PRKCA: variants seen among roughly 807,000 people sequenced by gnomAD.
PRKCA encodes the protein protein kinase C alpha, also known as protein kinase C alpha type.
In PRKCA, 27 loss-of-function variants were observed where a neutral mutation model predicts 87.0. That is an observed-to-expected ratio of 0.31 (90% CI 0.23 to 0.43). The LOEUF (loss-of-function observed/expected upper bound fraction) is 0.43. Ranked by LOEUF, PRKCA falls within the 20% of genes least tolerant of loss-of-function variation. The pLI is 1.00. For synonymous variants in PRKCA, 329 were observed against 311.1 expected (o/e 1.06, Z -0.61); for missense variants, 518 against 852.3 (o/e 0.61, Z 4.88).
chr17:66,684,441 C>T (rs1972572910), intron 5 of PRKCA, among the ~76,000 whole-genome samples: 1 of 152,216 alleles, frequency 6.6e-6, no homozygotes, highest in Non-Finnish European at 1.5e-5. Flanking sequence ...GTTAGTTGCT[C>T]GTAATCCTGA....
At chr17:66,799,583 ATGG>A (rs1231794316) in intron 16 of PRKCA, among the ~76,000 whole-genome samples, 1 of 2,030 alleles carries the variant, frequency 4.9e-4, no homozygotes, top group Non-Finnish European at 7.6e-4. Flanking sequence ...GGTGGTGGTG[ATGG>A]TGGTGGTGGT....
At chr17:66,646,351 G>A (rs1294898392) in intron 5 of PRKCA, among the ~76,000 whole-genome samples, 1 of 152,002 alleles carries the variant, frequency 6.6e-6, no homozygotes, top group Non-Finnish European at 1.5e-5. Flanking sequence ...GAGTCTTATT[G>A]GCCTAGGACC....
intron 16 of PRKCA, among the ~76,000 whole-genome samples, chr17:66,790,244 GGTGA>G (rs1975497383): frequency 6.6e-6 from 1 of 152,220 alleles, no homozygotes; most frequent in African/African-American, 2.4e-5. Context: ...AACTGCTGTT[GGTGA>G]GCCCACTGGA....
At chr17:66,699,332 GA>G (rs1335447693) in intron 8 of PRKCA, among the ~76,000 whole-genome samples, 1 of 151,624 alleles carries the variant, frequency 6.6e-6, no homozygotes, top group African/African-American at 2.4e-5. Flanking sequence ...AATAAAATCA[GA>G]AATGAAGGAG....
chr17:66,702,569 A>G (rs1486521660), intron 8 of PRKCA, among the ~76,000 whole-genome samples: 1 of 152,156 alleles, frequency 6.6e-6, no homozygotes, highest in Non-Finnish European at 1.5e-5. Flanking sequence ...GATCTTAAAG[A>G]TTCTCACCAC....
chr17:66,571,212 A>G (rs1012776525), intron 3 of PRKCA, among the ~76,000 whole-genome samples: 1 of 152,210 alleles, frequency 6.6e-6, no homozygotes, highest in Non-Finnish European at 1.5e-5. Flanking sequence ...GTGTTTTCCC[A>G]TTCCTAATCC....
chr17:66,539,605 T>C (rs1049901507), intron 3 of PRKCA, among the ~76,000 whole-genome samples: 1 of 152,088 alleles, frequency 6.6e-6, no homozygotes, highest in Non-Finnish European at 1.5e-5. Flanking sequence ...GGGGTTTCAC[T>C]GTGTTAGCCA....
chr17:66,357,298 G>A (rs1260595645), intron 2 of PRKCA, among the ~76,000 whole-genome samples: 1 of 152,198 alleles, frequency 6.6e-6, no homozygotes, highest in African/African-American at 2.4e-5. Context: ...TCACACTTGG[G>A]TCTTGCATCT....
intron 16 of PRKCA, among the ~76,000 whole-genome samples, chr17:66,799,136 G>A (rs1169966461): frequency 8.2e-5 from 2 of 24,514 alleles, no homozygotes; most frequent in Admixed American, 4.9e-4. Flanking sequence ...GGTGGTGGTG[G>A]TGGTGGTGAC....
intron 10 of PRKCA, among the ~76,000 whole-genome samples, chr17:66,736,525 G>T (rs984701567): frequency 1.3e-5 from 2 of 151,750 alleles, no homozygotes; most frequent in East Asian, 2.0e-4. Flanking sequence ...TGATCCACCC[G>T]CCTCGGCCTC....
At chr17:66,626,571 C>T (rs1009058811) in intron 3 of PRKCA, among the ~76,000 whole-genome samples, 3 of 151,618 alleles carry the variant, frequency 2.0e-5, no homozygotes, top group African/African-American at 7.3e-5. Context: ...GGGGTTTCAC[C>T]ATGTTAGCCA....
chr17:66,560,497 G>A (rs1049936950), intron 3 of PRKCA, among the ~76,000 whole-genome samples: 4 of 152,092 alleles, frequency 2.6e-5, no homozygotes, highest in Non-Finnish European at 5.9e-5. Context: ...TCCGAGTTGC[G>A]AAGTGGTGTG....
intron 2 of PRKCA, among the ~76,000 whole-genome samples, chr17:66,377,721 ATTTTTTTTT>A (rs1229084236): frequency 2.9e-5 from 2 of 69,150 alleles, no homozygotes; most frequent in Non-Finnish European, 2.5e-5. Flanking sequence ...ATATATATAT[ATTTTTTTTT>A]TTTTTTTTTT....
chr17:66,739,010 G>A (rs552215010), intron 11 of PRKCA, among the ~76,000 whole-genome samples, 155 bp downstream of exon 11: 2 of 152,100 alleles, frequency 1.3e-5, no homozygotes, highest in Non-Finnish European at 2.9e-5. Flanking sequence ...AGCCTCCTGA[G>A]TAGCTGGGAC....
At chr17:66,513,016 T>C (rs1917310274) in intron 3 of PRKCA, among the ~76,000 whole-genome samples, 1 of 152,216 alleles carries the variant, frequency 6.6e-6, no homozygotes, top group Non-Finnish European at 1.5e-5. Context: ...TCTATTACTT[T>C]ATGCACTTCA....
chr17:66,717,166 C>T (rs938725128), intron 8 of PRKCA, among the ~76,000 whole-genome samples: 1 of 152,184 alleles, frequency 6.6e-6, no homozygotes, highest in Non-Finnish European at 1.5e-5. Context: ...ATTTGAGAAC[C>T]TGCGTGATAC....
At chr17:66,618,353 C>CA (rs34535549) in intron 3 of PRKCA, among the ~76,000 whole-genome samples, 14,353 of 134,128 alleles carry the variant, frequency 0.11, 762 homozygotes, top group East Asian at 0.15. Context: ...AACCCTATCG[C>CA]AAAAAAAAAA....
At chr17:66,325,415 G>A (rs186353860) in intron 2 of PRKCA, among the ~76,000 whole-genome samples, 163 of 152,256 alleles carry the variant, frequency 1.1e-3, no homozygotes, top group African/African-American at 3.8e-3. Flanking sequence ...CTTTTACAGA[G>A]CTCTGTGACC....
intron 2 of PRKCA, among the ~76,000 whole-genome samples, chr17:66,376,051 G>A (rs1909399821): frequency 6.6e-6 from 1 of 152,206 alleles, no homozygotes; most frequent in South Asian, 2.1e-4. Context: ...TGTGTGCTGG[G>A]TACAGAGCCA....
Sources: gnomAD v4.1 joint callset for allele counts (sites outside exome capture counted in the v4.1 genomes callset) on GRCh38, gnomAD v4.1.1 for gene constraint, MANE v1.5 for transcripts, NCBI Gene and HGNC (gene_info 2026-07-23, HGNC 2026-07-21) for gene names.